The following GSE1 variants were observed in gnomAD, a reference collection of about 807,000 sequenced individuals.
The protein encoded by GSE1 is genetic suppressor element 1.
A neutral mutation model predicts 112.6 loss-of-function variants in GSE1; 32 were observed. The ratio of observed to expected loss-of-function variants is 0.28; its 90% confidence interval spans 0.21 to 0.38. The LOEUF (loss-of-function observed/expected upper bound fraction) is 0.38. GSE1 is among the 10% of genes least tolerant of loss of function. GSE1 has a pLI of 1.00. For missense variants in GSE1, 2,348 were observed against 1,699.2 expected (o/e 1.38, Z -6.71); for synonymous variants, 1,115 against 735.6 (o/e 1.52, Z -8.35).
intron 1 of GSE1, among the ~76,000 whole-genome samples, chr16:85,260,301 CCTTTTT>C (rs1200245985): frequency 1.3e-5 from 2 of 149,064 alleles, no homozygotes; most frequent in East Asian, 1.9e-4. Flanking sequence ...TTTTATTTTT[CCTTTTT>C]CTTTTTCTTT....
At chr16:85,487,993 G>A (rs1597922547) in intron 2 of GSE1, among the ~76,000 whole-genome samples, 1 of 152,318 alleles carries the variant, frequency 6.6e-6, no homozygotes, top group Non-Finnish European at 1.5e-5. Context: ...GCAGAGCAGT[G>A]GTAGCCCCAC....
intron 1 of GSE1, among the ~76,000 whole-genome samples, chr16:85,334,192 A>T (rs186193584): frequency 6.6e-6 from 1 of 152,112 alleles, no homozygotes; most frequent in Non-Finnish European, 1.5e-5. Flanking sequence ...TCTATGATCG[A>T]CTTGGCTCCC....
intron 2 of GSE1, among the ~76,000 whole-genome samples, chr16:85,640,262 C>T (rs1348495828): frequency 3.9e-5 from 6 of 152,224 alleles, no homozygotes; most frequent in Non-Finnish European, 7.3e-5. Context: ...CCCTTAACAC[C>T]GGCCGGGGGC....
rs776544368 is a variant in GSE1 at position 85,654,316 on chromosome 16, C to T, written c.465C>T (p.Arg155=). 3 of 1,610,060 alleles carry T rather than the reference C, an allele frequency of 1.9e-6. No homozygotes were observed. Among genetic ancestry groups the T allele is most frequent in the African/African-American group, 1.3e-5 (1 of 74,898 alleles). The change falls in exon 4 of 16, where the codon CGC becomes CGT. Residue 155 remains arginine, a synonymous_variant. Coordinates refer to ENST00000253458, the MANE Select transcript of GSE1 (RefSeq NM_014615.5). ...GGAGCAGCAGTGGAGGTCGGGAACGCCTCATTGTGGAGCCCCCGCTCCCTC... is the reference window on the plus strand; with the variant it reads ...GGAGCAGCAGTGGAGGTCGGGAACGTCTCATTGTGGAGCCCCCGCTCCCTC... ...GSRSSSGGRE[R]LIVEPPLPQE...
At chr16:85,613,473 G>A (rs1303347608) in intron 1 of GSE1, 75 bp downstream of exon 1, 5 of 1,330,934 alleles carry the variant, frequency 3.8e-6, no homozygotes, top group African/African-American at 1.6e-5. Flanking sequence ...GCAAGTTCGC[G>A]GGTTTCGCGG....
intron 1 of GSE1, among the ~76,000 whole-genome samples, chr16:85,347,151 C>G (rs965387549): frequency 1.3e-5 from 2 of 151,960 alleles, no homozygotes; most frequent in African/African-American, 4.8e-5. Flanking sequence ...TAGCCGGAGG[C>G]TCTCACCCTT....
intron 2 of GSE1, among the ~76,000 whole-genome samples, chr16:85,453,583 C>T (rs1244945479): frequency 6.6e-6 from 1 of 152,034 alleles, no homozygotes; most frequent in Non-Finnish European, 1.5e-5. Context: ...CCTGGAGCCC[C>T]AGCTGTTGAG....
At chr16:85,638,702 C>T (rs1478687248) in intron 2 of GSE1, among the ~76,000 whole-genome samples, 4 of 140,672 alleles carry the variant, frequency 2.8e-5, no homozygotes, top group East Asian at 4.8e-4. Context: ...CTTTCACCTT[C>T]CCCATTCTTG....
chr16:85,584,052 T>C (rs2046573062), intron 1 of GSE1, among the ~76,000 whole-genome samples: 1 of 152,226 alleles, frequency 6.6e-6, no homozygotes, highest in Non-Finnish European at 1.5e-5. Flanking sequence ...ATCAGTTTCA[T>C]TCTTGTCATG....
intron 2 of GSE1, among the ~76,000 whole-genome samples, chr16:85,384,765 G>C (rs949463138): frequency 6.6e-6 from 1 of 152,168 alleles, no homozygotes; most frequent in Non-Finnish European, 1.5e-5. Context: ...GAGGGGACAA[G>C]ATGTTGATGG....
At chr16:85,502,404 A>G (rs769508892) in intron 2 of GSE1, among the ~76,000 whole-genome samples, 2 of 152,184 alleles carry the variant, frequency 1.3e-5, no homozygotes, top group Non-Finnish European at 2.9e-5. Context: ...AGCTCCCAGG[A>G]GGGAGGAAGC....
chr16:85,606,204 C>T (rs545439194), intron 1 of GSE1, among the ~76,000 whole-genome samples: 13 of 152,220 alleles, frequency 8.5e-5, no homozygotes, highest in Admixed American at 1.3e-4. Context: ...CACTCCGGAA[C>T]ACATGCTCTC....
intron 2 of GSE1, among the ~76,000 whole-genome samples, chr16:85,642,976 C>T (rs138047384): frequency 6.6e-6 from 1 of 152,286 alleles, no homozygotes; most frequent in Non-Finnish European, 1.5e-5. Context: ...CCAAGCGCCT[C>T]TTAAAGACCG....
chr16:85,614,221 C>G (rs2048214593), intron 1 of GSE1, among the ~76,000 whole-genome samples: 1 of 152,212 alleles, frequency 6.6e-6, no homozygotes, highest in South Asian at 2.1e-4. Flanking sequence ...CCTCCCCGCC[C>G]CCAGCCCTCC....
At chr16:85,461,476 G>C (rs1228727405) in intron 2 of GSE1, among the ~76,000 whole-genome samples, 1 of 152,188 alleles carries the variant, frequency 6.6e-6, no homozygotes, top group Admixed American at 6.5e-5. Flanking sequence ...CCAGAGGTGT[G>C]ATGTCATTGG....
intron 1 of GSE1, among the ~76,000 whole-genome samples, chr16:85,586,484 C>T (rs556404488): frequency 2.0e-5 from 3 of 152,336 alleles, no homozygotes; most frequent in Admixed American, 1.3e-4. Context: ...GCGTCATCAT[C>T]GGTCGGCCCT....
At chr16:85,237,851 GAA>G (rs918473288) in intron 1 of GSE1, among the ~76,000 whole-genome samples, 1 of 135,192 alleles carries the variant, frequency 7.4e-6, no homozygotes, top group South Asian at 2.4e-4. Context: ...CAAAAAAAAA[GAA>G]AAAAAAAAAG....
intron 1 of GSE1, among the ~76,000 whole-genome samples, chr16:85,195,687 C>T (rs2072663455): frequency 6.6e-6 from 1 of 152,118 alleles, no homozygotes; most frequent in Non-Finnish European, 1.5e-5. Flanking sequence ...GTCTTGTGGT[C>T]GTCAAAATTA....
At chr16:85,571,566 G>A (rs1296232381) in intron 1 of GSE1, among the ~76,000 whole-genome samples, 4 of 152,222 alleles carry the variant, frequency 2.6e-5, no homozygotes, top group South Asian at 2.1e-4. Flanking sequence ...GCCTGGGAGC[G>A]TCACCGGGTC....
Sources: allele counts gnomAD v4.1 joint callset (sites outside exome capture counted in the v4.1 genomes callset), GRCh38; gene constraint gnomAD v4.1.1; transcripts MANE v1.5; gene names NCBI Gene and HGNC (gene_info 2026-07-23, HGNC 2026-07-21).